The following EPHA6 variants were observed in gnomAD, a reference collection of about 807,000 sequenced individuals.
EPHA6 encodes the protein EPH receptor A6.
Under a neutral mutation model 112.0 loss-of-function variants are expected in EPHA6, and 50 were observed. The ratio of observed to expected loss-of-function variants is 0.45; its 90% confidence interval spans 0.36 to 0.56. The LOEUF is 0.56. EPHA6 is among the 20% of genes least tolerant of loss of function. The pLI, the probability that EPHA6 is intolerant of heterozygous loss-of-function variation, is 0.00. For synonymous variants in EPHA6, 529 were observed against 490.7 expected, an observed-to-expected ratio of 1.08 and a Z score of -1.03; for missense variants, 1,280 against 1,417.4, an observed-to-expected ratio of 0.90 and a Z score of 1.56.
At chr3:97,434,837 C>A (rs1195729038) in intron 6 of EPHA6, among the ~76,000 whole-genome samples, 1 of 151,958 alleles carries the variant, frequency 6.6e-6, no homozygotes, top group Non-Finnish European at 1.5e-5. Flanking sequence ...AATGGCTAGG[C>A]ATCATCTCAT....
intron 13 of EPHA6, among the ~76,000 whole-genome samples, chr3:97,636,431 C>A (rs929757549): frequency 6.6e-6 from 1 of 152,006 alleles, no homozygotes; most frequent in Admixed American, 6.6e-5. Context: ...CAAAGATTTT[C>A]TTTGCTAGGT....
At chr3:97,145,194 A>G (rs1431305216) in intron 3 of EPHA6, among the ~76,000 whole-genome samples, 2 of 151,474 alleles carry the variant, frequency 1.3e-5, no homozygotes, top group East Asian at 1.9e-4. Context: ...TTAATAATAC[A>G]TGTCAAATAA....
intron 3 of EPHA6, among the ~76,000 whole-genome samples, chr3:97,213,818 A>C (rs1559802496): frequency 6.6e-6 from 1 of 152,022 alleles, no homozygotes; most frequent in Non-Finnish European, 1.5e-5. Context: ...AGAGCATTTT[A>C]CTCTTATTCT....
chr3:97,387,296 T>C (rs1007373706), intron 5 of EPHA6, among the ~76,000 whole-genome samples: 2 of 151,630 alleles, frequency 1.3e-5, no homozygotes, highest in Non-Finnish European at 2.9e-5. Flanking sequence ...GCTTCCCTTT[T>C]AAATAATAGT....
rs1310848895 is a variant in EPHA6, at chr3:96,866,951, G to A, written c.450+62G>A. 3.2e-6 allele frequency: 3 copies of A among 943,186 alleles called. No individual in the cohort carries two copies. The African/African-American group carries it at 5.2e-5, about 16-fold the overall frequency. The allele number at this position is 943,186 out of a possible 1,614,324, so 58.4% of individuals were successfully genotyped here. Reference sequence around the variant, plus strand: ...AGATTTTTAAGATCTCCTAATAGTTGATGGAACAGTGAATTTTGGGCCCTA... The same window carrying A: ...AGATTTTTAAGATCTCCTAATAGTTAATGGAACAGTGAATTTTGGGCCCTA... On this transcript the variant is annotated intron_variant, in intron 2 of 17. Coordinates refer to ENST00000389672, the MANE Select transcript of EPHA6 (RefSeq NM_001080448.3).
In EPHA6 at chr3:97,501,408, T is replaced by C. The variant is rs148056873; in HGVS notation, c.2200+17349T>C. On this transcript the variant is annotated intron_variant, in intron 10 of 17. Transcript: ENST00000389672. Reference sequence around the variant, plus strand: ...GACAAAAAAATATAATTGATCATGTTCCAGGTCATAAAGAAATTTGTAACA... The same window carrying C: ...GACAAAAAAATATAATTGATCATGTCCCAGGTCATAAAGAAATTTGTAACA... Among the ~76,000 whole-genome samples, 997 of 151,960 alleles carry C rather than the reference T, an allele frequency of 6.6e-3. 19 individuals carry two copies. Among genetic ancestry groups the C allele is most frequent in the African/African-American group, 0.022 (917 of 41,332 alleles).
intron 5 of EPHA6, among the ~76,000 whole-genome samples, chr3:97,392,979 A>G (rs942972416): frequency 1.8e-4 from 28 of 151,926 alleles, no homozygotes; most frequent in African/African-American, 6.5e-4. Flanking sequence ...AATTTGTATA[A>G]TTGTACAGAT....
At chr3:97,245,585 A>C (rs2078965107) in intron 5 of EPHA6, among the ~76,000 whole-genome samples, 1 of 151,998 alleles carries the variant, frequency 6.6e-6, no homozygotes, top group Admixed American at 6.6e-5. Context: ...AAAATGAACA[A>C]AGTGGCACTA....
In EPHA6 at chr3:97,712,732, C is replaced by T. The variant is rs72932270; in HGVS notation, c.2785-7529C>T. On this transcript the variant is annotated intron_variant, in intron 14 of 17. Transcript: ENST00000389672. Reference sequence around the variant, plus strand: ...TTTTCAGGAGCAATTTAAGAGGAAGCAGGTGAAAAGGATCCTAATTCTTCA... The same window carrying T: ...TTTTCAGGAGCAATTTAAGAGGAAGTAGGTGAAAAGGATCCTAATTCTTCA... 7.1e-3 allele frequency among the ~76,000 whole-genome samples: 1,084 copies of T among 152,206 alleles called. 15 individuals are homozygous for T. The highest frequency in any genetic ancestry group is 0.023 in the African/African-American group (973 of 41,506).
intron 1 of EPHA6, among the ~76,000 whole-genome samples, chr3:96,844,352 C>G (rs956354772): frequency 6.6e-6 from 1 of 151,980 alleles, no homozygotes; most frequent in Non-Finnish European, 1.5e-5. Flanking sequence ...CTTCCCCTGA[C>G]TGACTCTGTG....
chr3:97,404,033 C>T (rs1412574417), intron 5 of EPHA6, among the ~76,000 whole-genome samples: 1 of 152,098 alleles, frequency 6.6e-6, no homozygotes, highest in Non-Finnish European at 1.5e-5. Context: ...TCATAATTCT[C>T]TAGTGGATAT....
At chr3:97,332,680 A>T (rs190733103) in intron 5 of EPHA6, among the ~76,000 whole-genome samples, 5 of 152,176 alleles carry the variant, frequency 3.3e-5, no homozygotes, top group African/African-American at 9.6e-5. Context: ...TTGCCTGTGG[A>T]TGCTTACTTG....
At chr3:97,586,216 C>A (rs1417495057) in intron 11 of EPHA6, among the ~76,000 whole-genome samples, 1 of 152,214 alleles carries the variant, frequency 6.6e-6, no homozygotes, top group Non-Finnish European at 1.5e-5. Context: ...TCCCAGCCAT[C>A]CCACCTCATG....
intron 3 of EPHA6, among the ~76,000 whole-genome samples, chr3:97,003,403 GC>G (rs1208837658): frequency 3.3e-5 from 5 of 152,014 alleles, no homozygotes; most frequent in African/African-American, 1.2e-4. Flanking sequence ...TCTTAACTAA[GC>G]CCCAGAAGAG....
intron 2 of EPHA6, among the ~76,000 whole-genome samples, chr3:96,920,785 T>G (rs2039717616): frequency 6.6e-6 from 1 of 152,070 alleles, no homozygotes; most frequent in Non-Finnish European, 1.5e-5. Flanking sequence ...TGGCTTGAAC[T>G]TAAATAAAAT....
At chr3:97,004,276 C>A (rs1023810363) in intron 3 of EPHA6, among the ~76,000 whole-genome samples, 1 of 152,134 alleles carries the variant, frequency 6.6e-6, no homozygotes, top group African/African-American at 2.4e-5. Flanking sequence ...TAAAAGCATT[C>A]CTATTTCTCC....
intron 2 of EPHA6, among the ~76,000 whole-genome samples, chr3:96,976,178 C>T (rs2042514084): frequency 6.6e-6 from 1 of 152,100 alleles, no homozygotes; most frequent in Admixed American, 6.6e-5. Flanking sequence ...TTAAGTGGGA[C>T]AGAACTAAAG....
intron 14 of EPHA6, among the ~76,000 whole-genome samples, chr3:97,654,319 T>C (rs1182753322): frequency 1.3e-5 from 2 of 151,966 alleles, no homozygotes; most frequent in South Asian, 2.1e-4. Flanking sequence ...ATAATCATGC[T>C]ATTGGATAAG....
At chr3:97,667,189 C>T (rs1283446595) in intron 14 of EPHA6, among the ~76,000 whole-genome samples, 2 of 152,148 alleles carry the variant, frequency 1.3e-5, no homozygotes, top group African/African-American at 4.8e-5. Context: ...TAATCAGAAC[C>T]ATCATATCTC....
Sources: allele counts gnomAD v4.1 joint callset (sites outside exome capture counted in the v4.1 genomes callset), GRCh38; gene constraint gnomAD v4.1.1; transcripts MANE v1.5; gene names NCBI Gene and HGNC (gene_info 2026-07-23, HGNC 2026-07-21).